Variants in RPGRIP1L observed in about 807,000 individuals in gnomAD.
RPGRIP1L encodes protein fantom.
In RPGRIP1L, 131 loss-of-function variants were observed where a neutral mutation model predicts 160.4. The observed-to-expected ratio is 0.82, with a 90% CI of 0.71 to 0.94. The LOEUF (loss-of-function observed/expected upper bound fraction) is 0.94, where lower values mean the gene tolerates loss of function less well. Among genes scored for constraint, RPGRIP1L ranks in the 40% least tolerant of loss-of-function variants. The probability of loss-of-function intolerance (pLI) is 0.00; values close to 1 mark genes in which losing one functional copy is unlikely to be tolerated. For missense variants in RPGRIP1L, 1,522 were observed against 1,535.8 expected (o/e 0.99, Z 0.15); for synonymous variants, 510 against 515.8 (o/e 0.99, Z 0.15).
intron 1 of RPGRIP1L, chr16:53,701,646 T>A (rs1971402531): frequency 6.6e-6 from 1 of 151,796 alleles, no homozygotes; most frequent in Admixed American, 6.6e-5. Flanking sequence ...GGTTCTAGAA[T>A]GTAAAGACCA....
At chr16:53,701,319 C>A (rs1368528606) in intron 1 of RPGRIP1L, among the ~76,000 whole-genome samples, 1 of 151,896 alleles carries the variant, frequency 6.6e-6, no homozygotes, top group Non-Finnish European at 1.5e-5. Context: ...GGTTTCGTTG[C>A]ATAAATTTAC....
chr16:53,621,451 ATC>A (rs1964702370), intron 23 of RPGRIP1L, among the ~76,000 whole-genome samples: 1 of 126,628 alleles, frequency 7.9e-6, no homozygotes, highest in Non-Finnish European at 1.7e-5. Context: ...TTTTTTTTGG[ATC>A]TCTACACTAC....
At chr16:53,621,747 G>T (rs1321128094) in intron 23 of RPGRIP1L, among the ~76,000 whole-genome samples, 1 of 152,154 alleles carries the variant, frequency 6.6e-6, no homozygotes, top group Non-Finnish European at 1.5e-5. Context: ...ACTAGGCCGG[G>T]CGCAGTGGCT....
chr16:53,636,362 T>C, intron 22 of RPGRIP1L, 77 bp downstream of exon 22: 3 of 987,242 alleles, frequency 3.0e-6, no homozygotes, highest in African/African-American at 1.6e-5. Context: ...GATTTTTATA[T>C]ATGAAGACTA....
rs1279721167 is a variant in RPGRIP1L at position 53,686,561 on chromosome 16, C to G, written c.648G>C (p.Gln216His). The G allele has an allele frequency of 6.2e-7, 1 of 1,613,548 alleles. No individual in the cohort carries two copies. Among genetic ancestry groups the G allele is most frequent in the Admixed American group, 1.7e-5 (1 of 59,966 alleles). Residue 216 changes from glutamine (Q) to histidine (H), a missense_variant, in exon 6 of 27, where the codon CAG (glutamine) becomes CAC (histidine). Coordinates refer to ENST00000647211, the MANE Select transcript of RPGRIP1L (RefSeq NM_015272.5). ...ACTCCTCTATCTGGCCTCTTTGTGA[C>G]TGAATAACGTTTTCTCTGAAATAAA... The part of the protein sequence containing the change: ...GEIRNLENVI[Q>H]SQRGQIEELE...
In RPGRIP1L at chr16:53,664,936, C is replaced by T. The variant is rs375776718; in HGVS notation, c.1177G>A (p.Glu393Lys). ...GTTAAGTCAGACTTCAAGGCAGTCT[C>T]GAGCTGAGCAATCTGCACTTTCAGC... ...QQLKVQIAQLETALKSDLTDK... is the reference protein window; with the variant it reads ...QQLKVQIAQLKTALKSDLTDK... The change falls in exon 10 of 27, where the codon GAG becomes AAG. Residue 393 changes from glutamate to lysine, a missense_variant. Transcript: ENST00000647211. 1.5e-4 allele frequency: 243 copies of T among 1,613,228 alleles called. No homozygotes were observed. The highest frequency in any genetic ancestry group is 4.3e-4 in the Admixed American group (26 of 59,974).
Position 53,687,846 on chromosome 16 carries a change from C to CA in RPGRIP1L, c.632+16dup. The CA allele has an allele frequency of 6.7e-7, 1 of 1,482,316 alleles. No individual in the cohort carries two copies. Among genetic ancestry groups the CA allele is most frequent in the Non-Finnish European group, 9.4e-7 (1 of 1,061,198 alleles). The allele number at this position is 1,482,316 out of a possible 1,614,324, so 91.8% of individuals were successfully genotyped here. ...AATAACCAAAGTTCTCAAATTACCA[C>CA]AAAAAAGAACACATACAAATTTCTT... is the stretch of plus-strand genomic sequence containing the variant. On this transcript the variant is annotated intron_variant, in intron 5 of 26. Coordinates refer to ENST00000647211, the MANE Select transcript of RPGRIP1L (RefSeq NM_015272.5).
chr16:53,689,935 C>G (rs1970273670), intron 4 of RPGRIP1L, among the ~76,000 whole-genome samples: 1 of 152,142 alleles, frequency 6.6e-6, no homozygotes, highest in African/African-American at 2.4e-5. Context: ...TAAGAGTCTG[C>G]TGATCTGTGG....
In RPGRIP1L at chr16:53,621,932, G is replaced by A. The variant is rs551394329; in HGVS notation, c.3432+287C>T. On this transcript the variant is annotated intron_variant, in intron 23 of 26. Coordinates refer to ENST00000647211, the MANE Select transcript of RPGRIP1L (RefSeq NM_015272.5). ...CAGCTACTCGGGAGGCTGAGGCAGG[G>A]GAATGGCGTGAACCCAGGGGGCGGA... Among the ~76,000 whole-genome samples the A allele has an allele frequency of 2.3e-3, 329 of 142,506 alleles. 3 individuals are homozygous for A. Among genetic ancestry groups the A allele is most frequent in the African/African-American group, 8.2e-3 (311 of 37,936 alleles). The allele number at this position is 142,506 out of a possible 152,430, so 93.5% of individuals were successfully genotyped here.
chr16:53,654,112 T>C (rs1967048214), intron 14 of RPGRIP1L, among the ~76,000 whole-genome samples: 1 of 152,150 alleles, frequency 6.6e-6, no homozygotes, highest in Admixed American at 6.6e-5. Flanking sequence ...TACAGGCACC[T>C]GCCACCACAC....
intron 2 of RPGRIP1L, among the ~76,000 whole-genome samples, chr16:53,696,888 G>T (rs761399417): frequency 6.6e-6 from 1 of 152,086 alleles, no homozygotes; most frequent in Non-Finnish European, 1.5e-5. Flanking sequence ...TCTTTTTACA[G>T]ACGCTTAAAT....
intron 16 of RPGRIP1L, 76 bp downstream of exon 16, chr16:53,648,883 TTTTAG>T: frequency 7.7e-7 from 1 of 1,292,824 alleles, no homozygotes. Context: ...GTGAAAATGA[TTTTAG>T]TTTAAAGCAC....
chr16:53,622,712 C>G (rs936286170), intron 22 of RPGRIP1L, among the ~76,000 whole-genome samples: 1 of 151,546 alleles, frequency 6.6e-6, no homozygotes, highest in African/African-American at 2.4e-5. Flanking sequence ...TTGCTTAAGC[C>G]CAGGAGCCCA....
intron 3 of RPGRIP1L, chr16:53,694,546 C>T (rs1970612056): frequency 6.6e-6 from 1 of 151,514 alleles, no homozygotes; most frequent in Non-Finnish European, 1.5e-5. Context: ...CAGAGTTTCG[C>T]TCTTATTGCC....
chr16:53,698,705 C>A (rs1348393789), intron 2 of RPGRIP1L, among the ~76,000 whole-genome samples: 1 of 142,616 alleles, frequency 7.0e-6, no homozygotes, highest in East Asian at 2.3e-4. Context: ...CCGCACCGCC[C>A]GGGAGGGAGG....
intron 24 of RPGRIP1L, 80 bp downstream of exon 24, chr16:53,618,945 T>G (rs1238641833): frequency 1.7e-6 from 2 of 1,188,540 alleles, no homozygotes; most frequent in African/African-American, 3.1e-5. Flanking sequence ...AGAAATAAAC[T>G]TTCTCTCTGT....
At chr16:53,695,827 G>C (rs990868253) in intron 3 of RPGRIP1L, 4 of 317,152 alleles carry the variant, frequency 1.3e-5, no homozygotes, top group African/African-American at 2.2e-5. Flanking sequence ...TTAAAATCAA[G>C]ACATTTAAAA....
At chr16:53,664,465 G>A (rs1038649161) in intron 10 of RPGRIP1L, among the ~76,000 whole-genome samples, 5 of 152,046 alleles carry the variant, frequency 3.3e-5, no homozygotes, top group African/African-American at 1.2e-4. Flanking sequence ...TTTAATTGTT[G>A]TTAGTTTCTC....
chr16:53,699,085 T>C (rs1971148085), intron 2 of RPGRIP1L, among the ~76,000 whole-genome samples: 1 of 152,118 alleles, frequency 6.6e-6, no homozygotes, highest in Admixed American at 6.5e-5. Context: ...ATCTGTGACC[T>C]TACCCCGCAA....
Sources: allele counts gnomAD v4.1 joint callset (sites outside exome capture counted in the v4.1 genomes callset), GRCh38; gene constraint gnomAD v4.1.1; transcripts MANE v1.5; gene names NCBI Gene and HGNC (gene_info 2026-07-23, HGNC 2026-07-21).